Variants in FAM107B observed in about 807,000 individuals in gnomAD.
FAM107B encodes family with sequence similarity 107 member B, also known as protein FAM107B.
In FAM107B, 21 loss-of-function variants were observed where a neutral mutation model predicts 31.5. That is an observed-to-expected ratio of 0.67 (90% CI 0.47 to 0.96). The LOEUF (loss-of-function observed/expected upper bound fraction) is 0.96. Among genes scored for constraint, FAM107B ranks in the 40% least tolerant of loss-of-function variants. FAM107B has a pLI of 0.00. For missense variants in FAM107B, 452 were observed against 377.1 expected, an observed-to-expected ratio of 1.20 and a Z score of -1.64; for synonymous variants, 157 against 141.5, an observed-to-expected ratio of 1.11 and a Z score of -0.78.
chr10:14,666,967 C>A (rs1474780247), intron 2 of FAM107B, among the ~76,000 whole-genome samples: 1 of 152,144 alleles, frequency 6.6e-6, no homozygotes, highest in Non-Finnish European at 1.5e-5. Context: ...ACGTCTGGAG[C>A]CATCTTCTAA....
At chr10:14,599,866 A>C (rs577381030) in intron 2 of FAM107B, among the ~76,000 whole-genome samples, 6 of 152,262 alleles carry the variant, frequency 3.9e-5, no homozygotes, top group African/African-American at 1.4e-4. Context: ...AAAAAAAAAA[A>C]AAAACTCTTT....
At chr10:14,688,296 G>A (rs550500826) in intron 1 of FAM107B, among the ~76,000 whole-genome samples, 2 of 152,144 alleles carry the variant, frequency 1.3e-5, no homozygotes. Flanking sequence ...TTTGGGACTC[G>A]GACTGGCTTT....
intron 2 of FAM107B, among the ~76,000 whole-genome samples, chr10:14,604,042 C>A (rs1299512840): frequency 6.8e-6 from 1 of 146,462 alleles, no homozygotes; most frequent in African/African-American, 2.5e-5. Flanking sequence ...CGCCCTGAGC[C>A]CCGGCACCTC....
chr10:14,633,284 T>C (rs1411873697), intron 2 of FAM107B, among the ~76,000 whole-genome samples: 1 of 152,088 alleles, frequency 6.6e-6, no homozygotes, highest in Non-Finnish European at 1.5e-5. Context: ...TACATAAGTC[T>C]TTAATTGTGA....
chr10:14,626,541 T>C (rs567261427), intron 2 of FAM107B, among the ~76,000 whole-genome samples: 47 of 146,920 alleles, frequency 3.2e-4, no homozygotes, highest in Middle Eastern at 3.4e-3. Context: ...TCTCGCTCTG[T>C]CGCCCAGGCT....
At chr10:14,724,476 C>A (rs1855983693) in intron 1 of FAM107B, among the ~76,000 whole-genome samples, 1 of 152,084 alleles carries the variant, frequency 6.6e-6, no homozygotes, top group South Asian at 2.1e-4. Context: ...AGACAGTCAC[C>A]ACGCTGTTTT....
At chr10:14,746,264 G>A (rs1328117963) in intron 1 of FAM107B, among the ~76,000 whole-genome samples, 1 of 152,152 alleles carries the variant, frequency 6.6e-6, no homozygotes, top group Non-Finnish European at 1.5e-5. Context: ...GCCATTCTGT[G>A]TCTTTTAATT....
chr10:14,628,585 T>C (rs1588668476), intron 2 of FAM107B, among the ~76,000 whole-genome samples: 2 of 152,368 alleles, frequency 1.3e-5, no homozygotes, highest in Admixed American at 1.3e-4. Context: ...TGTAATTGGT[T>C]CTTTGGTGGG....
intron 2 of FAM107B, among the ~76,000 whole-genome samples, chr10:14,544,006 A>T (rs7087416): frequency 0.8 from 122,130 of 152,062 alleles, 49,551 homozygotes; most frequent in East Asian, 0.89. Context: ...TGAAGCCTAC[A>T]TTGAGTAAGT....
At chr10:14,604,618 C>G (rs1439077340) in intron 2 of FAM107B, among the ~76,000 whole-genome samples, 1 of 151,820 alleles carries the variant, frequency 6.6e-6, no homozygotes, top group East Asian at 2.0e-4. Flanking sequence ...TCGGTGGGAG[C>G]GAGGGCTGGA....
At chr10:14,554,764 T>C (rs1483491089) in intron 2 of FAM107B, among the ~76,000 whole-genome samples, 2 of 152,224 alleles carry the variant, frequency 1.3e-5, no homozygotes, top group Admixed American at 6.5e-5. Context: ...GTAAGGTAGA[T>C]GACAAATGCT....
At chr10:14,622,611 G>C (rs1344210120) in intron 2 of FAM107B, among the ~76,000 whole-genome samples, 1 of 152,138 alleles carries the variant, frequency 6.6e-6, no homozygotes, top group Non-Finnish European at 1.5e-5. Context: ...AGGCCAGAGA[G>C]AGAAAGTCAG....
intron 1 of FAM107B, among the ~76,000 whole-genome samples, chr10:14,762,094 G>C (rs988808664): frequency 6.6e-6 from 1 of 152,096 alleles, no homozygotes; most frequent in African/African-American, 2.4e-5. Flanking sequence ...TGGTTCCATG[G>C]CATCATGGAA....
At chr10:14,535,451 A>G (rs1847507950) in intron 2 of FAM107B, among the ~76,000 whole-genome samples, 1 of 152,254 alleles carries the variant, frequency 6.6e-6, no homozygotes, top group Non-Finnish European at 1.5e-5. Context: ...AAAACTCTGT[A>G]TAGGAAACTC....
chr10:14,564,854 C>A (rs2131204026), intron 2 of FAM107B, among the ~76,000 whole-genome samples: 1 of 152,314 alleles, frequency 6.6e-6, no homozygotes, highest in South Asian at 2.1e-4. Flanking sequence ...TCCTACTATA[C>A]CATTGTCCTA....
intron 2 of FAM107B, among the ~76,000 whole-genome samples, chr10:14,588,954 G>A (rs1851931141): frequency 6.6e-6 from 1 of 152,098 alleles, no homozygotes. Flanking sequence ...GGCCAAAGCA[G>A]GCAGATCACT....
intron 1 of FAM107B, among the ~76,000 whole-genome samples, chr10:14,679,822 A>G (rs1005177353): frequency 6.6e-6 from 1 of 152,226 alleles, no homozygotes. Flanking sequence ...CTGCCAGCAC[A>G]GCTAGAATAA....
chr10:14,754,113 AT>A (rs1026563583), intron 1 of FAM107B, among the ~76,000 whole-genome samples: 12 of 151,826 alleles, frequency 7.9e-5, no homozygotes, highest in Admixed American at 5.2e-4. Context: ...TAATTTTTGT[AT>A]TTTTGGTAGG....
intron 1 of FAM107B, among the ~76,000 whole-genome samples, chr10:14,722,484 G>T (rs1473487387): frequency 6.6e-6 from 1 of 152,056 alleles, no homozygotes; most frequent in Admixed American, 6.5e-5. Context: ...GTCAACATTT[G>T]TTATTTATCT....
Sources: allele counts gnomAD v4.1 joint callset (sites outside exome capture counted in the v4.1 genomes callset), GRCh38; gene constraint gnomAD v4.1.1; transcripts MANE v1.5; gene names NCBI Gene and HGNC (gene_info 2026-07-23, HGNC 2026-07-21).